The following NDFIP2 variants were observed in gnomAD, a reference collection of about 807,000 sequenced individuals.
The protein encoded by NDFIP2 is Nedd4 family interacting protein 2.
A neutral mutation model predicts 36.0 loss-of-function variants in NDFIP2; 19 were observed. That is an observed-to-expected ratio of 0.53 (90% CI 0.37 to 0.77). The LOEUF is 0.77. Ranked by LOEUF, NDFIP2 falls within the 30% of genes least tolerant of loss-of-function variation. The probability of loss-of-function intolerance (pLI) is 0.00; values close to 1 mark genes in which losing one functional copy is unlikely to be tolerated. For missense variants in NDFIP2, 446 were observed against 435.8 expected, an observed-to-expected ratio of 1.02 and a Z score of -0.21; for synonymous variants, 181 against 167.7, an observed-to-expected ratio of 1.08 and a Z score of -0.61.
chr13:79,494,952 T>C (rs1169270997), intron 1 of NDFIP2, among the ~76,000 whole-genome samples: 1 of 151,996 alleles, frequency 6.6e-6, no homozygotes, highest in Admixed American at 6.6e-5. Flanking sequence ...GAATCATCTT[T>C]TGGCTTTGTT....
At chr13:79,519,353 A>G (rs73551597) in intron 1 of NDFIP2, among the ~76,000 whole-genome samples, 10,175 of 152,228 alleles carry the variant, frequency 0.067, 714 homozygotes, top group African/African-American at 0.17. Context: ...CTTTTTGCCA[A>G]ATATATTTAA....
chr13:79,551,922 C>G (rs1483069202), intron 7 of NDFIP2, among the ~76,000 whole-genome samples: 1 of 151,290 alleles, frequency 6.6e-6, no homozygotes, highest in Non-Finnish European at 1.5e-5. Context: ...TCTACTAGTA[C>G]TTAACTTCTG....
chr13:79,482,169 CTTTTTTTTTTTTT>C (rs10558361), intron 1 of NDFIP2, among the ~76,000 whole-genome samples: 7 of 75,888 alleles, frequency 9.2e-5, no homozygotes, highest in Admixed American at 6.1e-4. Flanking sequence ...TTCTTTCTTT[CTTTTTTTTTTTTT>C]TTTTTTTTTT....
At chr13:79,512,250 C>A (rs906536723) in intron 1 of NDFIP2, among the ~76,000 whole-genome samples, 1 of 152,086 alleles carries the variant, frequency 6.6e-6, no homozygotes, top group Non-Finnish European at 1.5e-5. Context: ...AATACTACTA[C>A]GTTAGCTTGT....
At chr13:79,512,494 T>G (rs553486818) in intron 1 of NDFIP2, among the ~76,000 whole-genome samples, 1 of 150,804 alleles carries the variant, frequency 6.6e-6, no homozygotes, top group Non-Finnish European at 1.5e-5. Context: ...AGTGAGAAAA[T>G]AGGAACAGAT....
intron 2 of NDFIP2, among the ~76,000 whole-genome samples, chr13:79,528,139 A>G (rs1338076987): frequency 6.6e-6 from 1 of 152,104 alleles, no homozygotes; most frequent in Non-Finnish European, 1.5e-5. Context: ...GCACACCCGT[A>G]GTCCCAGCTG....
chr13:79,493,853 A>T (rs549583111), intron 1 of NDFIP2, among the ~76,000 whole-genome samples: 1 of 152,214 alleles, frequency 6.6e-6, no homozygotes, highest in East Asian at 1.9e-4. Flanking sequence ...ATTGGGCTGG[A>T]TTTAGCTTGT....
chr13:79,488,782 AG>A (rs1433472694), intron 1 of NDFIP2, among the ~76,000 whole-genome samples: 1 of 152,198 alleles, frequency 6.6e-6, no homozygotes, highest in African/African-American at 2.4e-5. Flanking sequence ...CAGATAGATA[AG>A]TAAGCCTAAT....
rs368394420 is a variant in NDFIP2 at position 79,488,963 on chromosome 13, GTAGA to G, written c.321+7442_321+7445del. ...CGCTTAATCCTTCCACTTCTATGAA[GTAGA>G]TAATGTCATTATCCTCAATTTGCAG... On this transcript the variant is annotated intron_variant, in intron 1 of 7. Coordinates refer to ENST00000218652, the MANE Select transcript of NDFIP2 (RefSeq NM_019080.3). 8.5e-5 allele frequency among the ~76,000 whole-genome samples: 13 copies of G among 152,276 alleles called. No homozygotes were observed. The East Asian group carries it at 2.1e-3, about 25-fold the overall frequency.
chr13:79,503,749 G>A (rs1027527073), intron 1 of NDFIP2, among the ~76,000 whole-genome samples: 1 of 152,138 alleles, frequency 6.6e-6, no homozygotes, highest in Admixed American at 6.6e-5. Flanking sequence ...TTAAGGTTGA[G>A]GGGATGATAT....
chr13:79,548,214 C>A, intron 5 of NDFIP2, 114 bp from the exon 6 acceptor site: 1 of 796,496 alleles, frequency 1.3e-6, no homozygotes, highest in Non-Finnish European at 2.0e-6. Context: ...TCCTTTGTGC[C>A]ATTTTTAAGT....
At chr13:79,494,196 G>A (rs1404055927) in intron 1 of NDFIP2, among the ~76,000 whole-genome samples, 2 of 151,956 alleles carry the variant, frequency 1.3e-5, no homozygotes, top group African/African-American at 2.4e-5. Flanking sequence ...TCTCAAAAAC[G>A]TTGTGATCTT....
At chr13:79,513,376 C>G (rs1874151425) in intron 1 of NDFIP2, among the ~76,000 whole-genome samples, 1 of 152,216 alleles carries the variant, frequency 6.6e-6, no homozygotes, top group African/African-American at 2.4e-5. Flanking sequence ...TATGGAGAGA[C>G]ACAAACTCAA....
At chr13:79,530,348 C>T (rs1874967585) in intron 2 of NDFIP2, among the ~76,000 whole-genome samples, 1 of 152,152 alleles carries the variant, frequency 6.6e-6, no homozygotes, top group African/African-American at 2.4e-5. Context: ...AACTCCTGGC[C>T]TCAAGTGATC....
At chr13:79,507,540 C>T in intron 1 of NDFIP2, among the ~76,000 whole-genome samples, 1 of 23,120 alleles carries the variant, frequency 4.3e-5, no homozygotes. Context: ...TCCCAAAGTG[C>T]TGGGATTACA....
At chr13:79,481,615 C>A in intron 1 of NDFIP2, 91 bp downstream of exon 1, 1 of 1,413,324 alleles carries the variant, frequency 7.1e-7, no homozygotes, top group Non-Finnish European at 9.5e-7. Context: ...GGAGGAAAAG[C>A]TGTGGCTTTT....
intron 4 of NDFIP2, among the ~76,000 whole-genome samples, chr13:79,542,505 G>GTTTTTTTTTTTT (rs1454824183): frequency 1.3e-5 from 2 of 149,310 alleles, no homozygotes; most frequent in African/African-American, 5.0e-5. Context: ...GTGTTGTTCT[G>GTTTTTTTTTTTT]TTTTTTGTTT....
intron 1 of NDFIP2, among the ~76,000 whole-genome samples, chr13:79,509,923 T>A (rs1268104442): frequency 6.6e-6 from 1 of 152,186 alleles, no homozygotes; most frequent in South Asian, 2.1e-4. Context: ...CTAGCTGCGC[T>A]GGCAGTTGAT....
chr13:79,535,991 T>G (rs1566665802), intron 3 of NDFIP2, among the ~76,000 whole-genome samples: 1 of 152,134 alleles, frequency 6.6e-6, no homozygotes, highest in Non-Finnish European at 1.5e-5. Context: ...CTGGGTGAGT[T>G]GAAAGCTTGT....
Sources: allele counts gnomAD v4.1 joint callset (sites outside exome capture counted in the v4.1 genomes callset), GRCh38; gene constraint gnomAD v4.1.1; transcripts MANE v1.5; gene names NCBI Gene and HGNC (gene_info 2026-07-23, HGNC 2026-07-21).